The following DHX35 variants were observed in gnomAD, a reference collection of about 807,000 sequenced individuals.
DHX35 encodes the protein DEAH-box helicase 35.
In DHX35, 84 loss-of-function variants were observed where a neutral mutation model predicts 99.6. The observed-to-expected ratio is 0.84, with a 90% confidence interval of 0.71 to 1.01. DHX35 has a LOEUF of 1.01. Ranked by LOEUF, DHX35 falls within the 50% of genes least tolerant of loss-of-function variation. The pLI, the probability that DHX35 is intolerant of heterozygous loss-of-function variation, is 0.00. For synonymous variants in DHX35, 331 were observed against 316.2 expected (o/e 1.05, Z -0.50); for missense variants, 852 against 888.5 (o/e 0.96, Z 0.52).
chr20:39,023,655 G>T, intron 16 of DHX35, 35 bp from the exon 17 acceptor site: 1 of 1,603,324 alleles, frequency 6.2e-7, no homozygotes, highest in Non-Finnish European at 8.5e-7. Flanking sequence ...ACCCAGCAAA[G>T]AGTGAAATTC....
rs753499361 is a variant in DHX35, at chr20:39,012,533, A to AT, written c.1347+2143dup. Among the ~76,000 whole-genome samples, 1,003 of 145,172 alleles carry AT rather than the reference A, an allele frequency of 6.9e-3. 8 individuals carry two copies. The highest frequency in any genetic ancestry group is 0.017 in the African/African-American group (683 of 39,892). On this transcript the variant is annotated intron_variant, in intron 13 of 21. Coordinates refer to ENST00000252011, the MANE Select transcript of DHX35 (RefSeq NM_021931.4). ...AGCTATAAAGGATGACTTTACACTA[A>AT]TTTTTTTTTTTTTTGAGACAGAGTC... is the stretch of plus-strand genomic sequence containing the variant.
intron 19 of DHX35, among the ~76,000 whole-genome samples, 167 bp downstream of exon 19, chr20:39,028,666 T>C (rs1386319791): frequency 6.6e-6 from 1 of 152,218 alleles, no homozygotes; most frequent in Non-Finnish European, 1.5e-5. Flanking sequence ...AAGCAAAATA[T>C]CTTGACTTTC....
intron 4 of DHX35, 123 bp from the exon 5 acceptor site, chr20:38,988,690 T>G (rs2086286227): frequency 7.4e-7 from 1 of 1,359,042 alleles, no homozygotes; most frequent in African/African-American, 1.5e-5. Flanking sequence ...AACTTGTCTC[T>G]TTTCATTTTT....
At chr20:38,987,078 C>T (rs546767175) in intron 4 of DHX35, among the ~76,000 whole-genome samples, 217 of 152,218 alleles carry the variant, frequency 1.4e-3, no homozygotes, top group African/African-American at 5.1e-3. Context: ...TTGGGAACTG[C>T]GTGGGTGCTG....
At chr20:39,032,980 C>T (rs1465460107) in intron 20 of DHX35, among the ~76,000 whole-genome samples, 1 of 152,182 alleles carries the variant, frequency 6.6e-6, no homozygotes, top group African/African-American at 2.4e-5. Context: ...GTGCCCACGC[C>T]TGTCATCTCA....
At chr20:38,993,462 C>T (rs948213310) in intron 7 of DHX35, among the ~76,000 whole-genome samples, 4 of 152,120 alleles carry the variant, frequency 2.6e-5, no homozygotes, top group African/African-American at 7.2e-5. Context: ...CAGGTTCAAG[C>T]GATTCTTCTG....
chr20:39,016,969 T>C (rs1008174112), intron 14 of DHX35, among the ~76,000 whole-genome samples: 6 of 151,944 alleles, frequency 3.9e-5, no homozygotes, highest in African/African-American at 7.3e-5. Flanking sequence ...CCCATTTTTG[T>C]GTTTTGGCTT....
Position 39,006,131 on chromosome 20 carries a change from C to T in DHX35, c.1012-15C>T. ...AATAAAATGAGTTTTATTCTTCTTT[C>T]TGTGGGGAACGTAGGTGATAGTGGC... On this transcript the variant is annotated splice_polypyrimidine_tract_variant and intron_variant, in intron 11 of 21. Coordinates refer to ENST00000252011, the MANE Select transcript of DHX35 (RefSeq NM_021931.4). 4 of 1,603,148 alleles carry T rather than the reference C, an allele frequency of 2.5e-6. No individual in the cohort carries two copies. The highest frequency in any genetic ancestry group is 1.1e-5 in the South Asian group (1 of 90,500).
At chr20:38,982,918 T>TA (rs1023702991) in intron 3 of DHX35, among the ~76,000 whole-genome samples, 2 of 151,750 alleles carry the variant, frequency 1.3e-5, no homozygotes, top group African/African-American at 4.9e-5. Flanking sequence ...TAAATACACT[T>TA]AATCAAATTT....
At chr20:38,996,601 G>T (rs939146807) in intron 8 of DHX35, among the ~76,000 whole-genome samples, 3 of 152,162 alleles carry the variant, frequency 2.0e-5, no homozygotes, top group African/African-American at 7.2e-5. Flanking sequence ...TAGTAAGGAG[G>T]CCAGTTCTGA....
In DHX35 at chr20:38,994,812, C is replaced by G. The variant is rs1568732074; in HGVS notation, c.583-9C>G. ...TATTATCATTATTTCCAAATGTCTT[C>G]TTTTTTAGATTCAGAAAAAGCGAGG... On this transcript the variant is annotated splice_polypyrimidine_tract_variant and intron_variant, in intron 7 of 21. Transcript: ENST00000252011. The G allele has an allele frequency of 6.2e-7, 1 of 1,611,624 alleles. No individual in the cohort carries two copies. The highest frequency in any genetic ancestry group is 8.5e-7 in the Non-Finnish European group (1 of 1,177,924).
chr20:39,025,640 A>G (rs1161455641), intron 18 of DHX35, among the ~76,000 whole-genome samples: 4 of 152,232 alleles, frequency 2.6e-5, no homozygotes, highest in African/African-American at 7.2e-5. Context: ...AGTGCACATC[A>G]TGTCATTGAT....
chr20:38,986,964 G>A (rs1310421150), intron 4 of DHX35, among the ~76,000 whole-genome samples: 1 of 152,188 alleles, frequency 6.6e-6, no homozygotes, highest in African/African-American at 2.4e-5. Flanking sequence ...TGAGGGCAGG[G>A]AGCCTCTGCC....
chr20:39,018,290 C>T (rs553805446), intron 14 of DHX35, among the ~76,000 whole-genome samples: 18 of 152,066 alleles, frequency 1.2e-4, no homozygotes, highest in African/African-American at 3.9e-4. Context: ...GTAGAAAGTC[C>T]AGACAGTGAG....
At chr20:39,002,216 G>C (rs1243379757) in intron 9 of DHX35, among the ~76,000 whole-genome samples, 1 of 152,220 alleles carries the variant, frequency 6.6e-6, no homozygotes, top group Non-Finnish European at 1.5e-5. Context: ...CTAGCGAGAA[G>C]GCCCAGTTGG....
intron 19 of DHX35, 139 bp downstream of exon 19, chr20:39,028,638 G>A (rs1274645555): frequency 3.2e-6 from 3 of 948,158 alleles, no homozygotes; most frequent in Middle Eastern, 4.4e-4. Context: ...ACTGAGTTGA[G>A]GTTAGCGACA....
chr20:39,028,650 A>G (rs2086996352), intron 19 of DHX35, 151 bp downstream of exon 19: 1 of 752,030 alleles, frequency 1.3e-6, no homozygotes, highest in Non-Finnish European at 2.2e-6. Flanking sequence ...TTAGCGACAT[A>G]GCTTTAAGCA....
chr20:39,002,827 A>AC lies in DHX35; in HGVS notation c.812dup (p.Glu272ArgfsTer52). 1.9e-6 allele frequency: 3 copies of AC among 1,614,224 alleles called. No individual in the cohort carries two copies. Among genetic ancestry groups the AC allele is most frequent in the Non-Finnish European group, 1.7e-6 (2 of 1,180,038 alleles). The stretch of plus-strand genomic sequence containing the variant: ...CGAAACTGTGGTGAAAATTCACCAG[A>AC]CAGAGGGAGACGGAGACGTTTTAGC... On this transcript the variant is annotated frameshift_variant, in exon 10 of 22. Coordinates refer to ENST00000252011, the MANE Select transcript of DHX35 (RefSeq NM_021931.4). LOFTEE classifies it high-confidence loss of function.
At position 39,006,216 on chromosome 20, in the gene DHX35, G is replaced by A. The variant is rs2086614131; in HGVS notation, c.1082G>A (p.Gly361Asp). Reference protein sequence around the residue: ...ISGIVYVIDCGFVKLRAYNPR... With the variant: ...ISGIVYVIDCDFVKLRAYNPR... ...GGCATTGTGTATGTGATCGACTGTG[G>A]CTTTGTGAAACTCCGAGCCTACAAT... is the stretch of plus-strand genomic sequence containing the variant. Residue 361 changes from glycine to aspartate, a missense_variant, in exon 12 of 22, where the codon GGC becomes GAC. Physicochemically the swap from Gly to Asp is moderately conservative, Grantham distance 94. Transcript: ENST00000252011. 11 of 1,614,152 alleles carry A rather than the reference G, an allele frequency of 6.8e-6. No homozygotes were observed. Among genetic ancestry groups the A allele is most frequent in the Non-Finnish European group, 9.3e-6 (11 of 1,180,038 alleles).
Sources: gnomAD v4.1 joint callset for allele counts (sites outside exome capture counted in the v4.1 genomes callset) on GRCh38, gnomAD v4.1.1 for gene constraint, MANE v1.5 for transcripts, NCBI Gene and HGNC (gene_info 2026-07-23, HGNC 2026-07-21) for gene names.